Variants in SYNJ2 observed in about 807,000 individuals in gnomAD.
The protein encoded by SYNJ2 is polyphosphatidylinositol phosphatase SYNJ2.
A neutral mutation model predicts 141.3 loss-of-function variants in SYNJ2; 116 were observed. The observed-to-expected ratio is 0.82, with a 90% CI of 0.71 to 0.96. The LOEUF is 0.96. Ranked by LOEUF, SYNJ2 falls within the 40% of genes least tolerant of loss-of-function variation. The probability of loss-of-function intolerance (pLI) is 0.00; values close to 1 mark genes in which losing one functional copy is unlikely to be tolerated. For missense variants in SYNJ2, 1,873 were observed against 1,934.8 expected, an observed-to-expected ratio of 0.97 and a Z score of 0.60; for synonymous variants, 745 against 777.7, an observed-to-expected ratio of 0.96 and a Z score of 0.70.
intron 1 of SYNJ2, among the ~76,000 whole-genome samples, chr6:158,006,117 C>G (rs921083259): frequency 6.6e-6 from 1 of 152,220 alleles, no homozygotes; most frequent in African/African-American, 2.4e-5. Context: ...ATAAATGCCC[C>G]TGGCCTAAGG....
At chr6:158,073,851 T>C in intron 15 of SYNJ2, among the ~76,000 whole-genome samples, 1 of 151,996 alleles carries the variant, frequency 6.6e-6, no homozygotes, top group Non-Finnish European at 1.5e-5. Flanking sequence ...CCCATCTGTA[T>C]CATGCACTAG....
chr6:158,077,813 C>A, intron 17 of SYNJ2: 1 of 171,060 alleles, frequency 5.8e-6, no homozygotes, highest in Non-Finnish European at 1.3e-5. Flanking sequence ...AGAATGAGTC[C>A]GAGTGTTCTC....
At chr6:158,059,002 A>G (rs183907530) in intron 6 of SYNJ2, among the ~76,000 whole-genome samples, 1 of 152,376 alleles carries the variant, frequency 6.6e-6, no homozygotes, top group African/African-American at 2.4e-5. Flanking sequence ...CTTTATAGAA[A>G]GTGCAGCATA....
At chr6:158,063,542 C>A (rs1158898194) in intron 8 of SYNJ2, among the ~76,000 whole-genome samples, 1 of 151,608 alleles carries the variant, frequency 6.6e-6, no homozygotes, top group African/African-American at 2.4e-5. Flanking sequence ...ACCTGTAGTC[C>A]CAGCTACTTG....
rs773602010 is a variant in SYNJ2, at chr6:158,095,908, C to A, written c.4035C>A (p.His1345Gln). 1.5e-5 allele frequency: 24 copies of A among 1,614,004 alleles called. No individual in the cohort carries two copies. In the South Asian group the frequency reaches 2.6e-4, roughly 18 times the overall value. The change falls in exon 27 of 27, where the codon CAC becomes CAA. Residue 1345 changes from histidine to glutamine, a missense_variant. Transcript: ENST00000355585. ...RRKKSAPAAF[H>Q]LQVLQSNSQL... ...AGAAGTCAGCCCCCGCAGCCTTCCA[C>A]CTGCAGGTCCTGCAGAGCAACAGCC...
chr6:158,010,813 G>T (rs1358527941), intron 1 of SYNJ2, among the ~76,000 whole-genome samples: 1 of 151,990 alleles, frequency 6.6e-6, no homozygotes, highest in Non-Finnish European at 1.5e-5. Context: ...GTGATGATGG[G>T]GGGGACATGT....
At chr6:158,037,661 A>C (rs1779714594) in intron 4 of SYNJ2, among the ~76,000 whole-genome samples, 1 of 151,948 alleles carries the variant, frequency 6.6e-6, no homozygotes, top group African/African-American at 2.4e-5. Context: ...TCGGCCTCCC[A>C]AAGTGCTGAG....
At position 158,084,324 on chromosome 6, in the gene SYNJ2, G is replaced by C; in HGVS notation, c.3208+150G>C. 1 of 833,144 alleles carries C rather than the reference G, an allele frequency of 1.2e-6. No individual in the cohort carries two copies. Among genetic ancestry groups the C allele is most frequent in the Non-Finnish European group, 1.8e-6 (1 of 543,428 alleles). 51.6% of individuals were successfully genotyped at this position (833,144 alleles called of 1,614,324 possible). On this transcript the variant is annotated intron_variant, in intron 22 of 26. Transcript: ENST00000355585. This position sits in a 1 kb window ranked among gnomAD's most constrained non-coding sequence, Gnocchi z 5.0. ...ACCAGGCAGGCCAAGCGAGGGGTAG[G>C]GACTGAGCCCTGTGGAGGTAGCCAG...
At position 158,076,670 on chromosome 6, in the gene SYNJ2, C is replaced by G. The variant is rs768126901; in HGVS notation, c.2337C>G (p.Thr779=). ...AAGGAGCCATTAACTTTGGACCCAC[C>G]TACAAGTATGACGTTGGCTCAGCCG... ...FHEGAINFGP[T]YKYDVGSAAY... is the part of the protein sequence containing the mutation. The change falls in exon 17 of 27, where the codon ACC becomes ACG. Residue 779 remains threonine, a synonymous_variant. Transcript: ENST00000355585. 4 of 1,614,094 alleles carry G rather than the reference C, an allele frequency of 2.5e-6. No homozygotes were observed. The African/African-American group carries it at 4.0e-5, about 16-fold the overall frequency.
intron 2 of SYNJ2, among the ~76,000 whole-genome samples, chr6:158,024,718 C>T (rs576883259): frequency 1.9e-4 from 29 of 152,038 alleles, no homozygotes; most frequent in Non-Finnish European, 1.9e-4. Flanking sequence ...CAGAACAGGA[C>T]GTAGAAGCAC....
At chr6:158,006,640 G>A (rs1163764301) in intron 1 of SYNJ2, among the ~76,000 whole-genome samples, 1 of 152,104 alleles carries the variant, frequency 6.6e-6, no homozygotes, top group Non-Finnish European at 1.5e-5. Flanking sequence ...TTATTTTATT[G>A]CTGGGATTAC....
At chr6:158,035,888 G>C (rs1177480665) in intron 4 of SYNJ2, among the ~76,000 whole-genome samples, 1 of 151,858 alleles carries the variant, frequency 6.6e-6, no homozygotes, top group Non-Finnish European at 1.5e-5. Flanking sequence ...CCTACAGAAT[G>C]GGAGAAAATT....
intron 25 of SYNJ2, among the ~76,000 whole-genome samples, chr6:158,090,240 C>A (rs1317176549): frequency 6.6e-6 from 1 of 152,162 alleles, no homozygotes; most frequent in Non-Finnish European, 1.5e-5. Context: ...TGAATGCTGC[C>A]GGCATGAAGT....
rs1304921023 is a variant in SYNJ2 at position 158,029,017 on chromosome 6, C to G, written c.476C>G (p.Ser159Cys). 1 of 1,614,104 alleles carries G rather than the reference C, an allele frequency of 6.2e-7. No homozygotes were observed. Among genetic ancestry groups the G allele is most frequent in the Non-Finnish European group, 8.5e-7 (1 of 1,179,984 alleles). The change falls in exon 3 of 27, where the codon TCC (serine) becomes TGC (cysteine). Residue 159 changes from serine to cysteine, a missense_variant. Transcript: ENST00000355585. ...QGDDSSEWGN[S>C]FFWNQLLHVP... Reference sequence around the variant, plus strand: ...GATGACAGCTCTGAATGGGGGAACTCCTTCTTCTGGTGAGGCCCTGGGTCC... The same window carrying G: ...GATGACAGCTCTGAATGGGGGAACTGCTTCTTCTGGTGAGGCCCTGGGTCC...
chr6:158,078,290 C>T lies in SYNJ2; in HGVS notation c.2567+9C>T, dbSNP rs1782451824. On this transcript the variant is annotated intron_variant, in intron 18 of 26. Transcript: ENST00000355585. ...CAAGCGTCTGATCACAGGTGAGGTCCTGACTTCCATGGCGTTTTCTCCTGT... is the reference window on the plus strand; with the variant it reads ...CAAGCGTCTGATCACAGGTGAGGTCTTGACTTCCATGGCGTTTTCTCCTGT... 1 of 1,589,846 alleles carries T rather than the reference C, an allele frequency of 6.3e-7. No individual in the cohort carries two copies. Among genetic ancestry groups the T allele is most frequent in the African/African-American group, 1.3e-5 (1 of 74,466 alleles).
intron 15 of SYNJ2, among the ~76,000 whole-genome samples, chr6:158,074,033 G>A (rs971609709): frequency 1.8e-4 from 28 of 152,112 alleles, no homozygotes; most frequent in Admixed American, 1.4e-3. Flanking sequence ...GGAAGAGACA[G>A]GGAAGGCAAG....
At chr6:158,061,485 C>A (rs892146671) in intron 7 of SYNJ2, among the ~76,000 whole-genome samples, 1 of 152,212 alleles carries the variant, frequency 6.6e-6, no homozygotes, top group African/African-American at 2.4e-5. Context: ...GATGTGGGAC[C>A]CACCTGGGCC....
intron 8 of SYNJ2, 132 bp from the exon 9 acceptor site, chr6:158,063,659 C>CAAAA (rs71298907): frequency 5.3e-3 from 1,000 of 188,554 alleles, no homozygotes; most frequent in South Asian, 7.2e-3. Context: ...GACTCTGTCT[C>CAAAA]AAAAAAAAAA....
In SYNJ2 at chr6:158,086,979, C is replaced by A. The variant is rs199772207; in HGVS notation, c.3333C>A (p.Pro1111=). The change falls in exon 23 of 27, where the codon CCC becomes CCA. Residue 1111 remains proline (P), a synonymous_variant. Coordinates refer to ENST00000355585, the MANE Select transcript of SYNJ2 (RefSeq NM_003898.4). ...GGCCACCTCAACCCCCGCAGAGACC[C>A]CCCCCTCCAAGTAAGACTCTGCTTG... is the stretch of plus-strand genomic sequence containing the variant. ...RPRPPQPPQR[P]PPPTGLMVKK... The A allele has an allele frequency of 4.2e-6, 5 of 1,191,936 alleles. No individual in the cohort carries two copies. Among genetic ancestry groups the A allele is most frequent in the Non-Finnish European group, 4.7e-6 (4 of 855,900 alleles). 73.8% of individuals were successfully genotyped at this position (1,191,936 alleles called of 1,614,324 possible). A position where few individuals can be genotyped will look rare whatever the true frequency, so the allele number is the denominator to read the frequency against.
Sources: gnomAD v4.1 joint callset for allele counts (sites outside exome capture counted in the v4.1 genomes callset) on GRCh38, gnomAD v4.1.1 for gene constraint, Gnocchi (gnomAD v3.1) non-coding constraint, MANE v1.5 for transcripts, NCBI Gene and HGNC (gene_info 2026-07-23, HGNC 2026-07-21) for gene names.